The following PDE6A variants were observed in gnomAD, a reference collection of about 807,000 sequenced individuals.
The protein encoded by PDE6A is rod cGMP-specific 3',5'-cyclic phosphodiesterase subunit alpha.
PDE6A carries 84 observed loss-of-function variants against 106.3 expected under a neutral mutation model. The observed-to-expected ratio is 0.79, with a 90% CI of 0.66 to 0.95. PDE6A has a LOEUF of 0.95. PDE6A is among the 40% of genes least tolerant of loss of function. The pLI is 0.00. For missense variants in PDE6A, 1,052 were observed against 1,084.9 expected, an observed-to-expected ratio of 0.97 and a Z score of 0.43; for synonymous variants, 394 against 386.6, an observed-to-expected ratio of 1.02 and a Z score of -0.23.
At position 149,932,414 on chromosome 5, in the gene PDE6A, G is replaced by C; in HGVS notation, c.718-1246C>G. On this transcript the variant is annotated intron_variant, in intron 3 of 21. Transcript: ENST00000255266. The stretch of plus-strand genomic sequence containing the variant: ...CACGAGGTGCTGTTTTTAGTGCGAG[G>C]AGTTTAAAGGGAGTTGACTGAATAA... The C allele has an allele frequency of 2.2e-6, 3 of 1,367,048 alleles. No individual in the cohort carries two copies. In the South Asian group the frequency reaches 3.6e-5, roughly 16 times the overall value. The allele number at this position is 1,367,048 out of a possible 1,614,324, so 84.7% of individuals were successfully genotyped here.
intron 20 of PDE6A, 117 bp downstream of exon 20, chr5:149,866,053 C>T (rs1176364706): frequency 1.1e-5 from 8 of 745,112 alleles, no homozygotes; most frequent in African/African-American, 3.4e-5. Context: ...AGATGAGAAG[C>T]GCTTTGTAAA....
intron 17 of PDE6A, among the ~76,000 whole-genome samples, chr5:149,868,424 G>A (rs969500790): frequency 5.9e-5 from 9 of 152,144 alleles, no homozygotes; most frequent in Admixed American, 5.2e-4. Flanking sequence ...AATGATAATC[G>A]TACCTTACTC....
At chr5:149,888,526 AAAT>A (rs897662929) in intron 13 of PDE6A, among the ~76,000 whole-genome samples, 63 of 148,796 alleles carry the variant, frequency 4.2e-4, no homozygotes, top group African/African-American at 1.5e-3. Context: ...ATTATTAATA[AAAT>A]AATAAGGGAA....
At position 149,899,426 on chromosome 5, in the gene PDE6A, G is replaced by T. The variant is rs1752883714; in HGVS notation, c.1212C>A (p.Tyr404Ter). The change falls in exon 9 of 22, where the codon TAC (tyrosine) becomes TAA (stop). Residue 404 changes from tyrosine (Y) to a stop codon, truncating the protein, a stop_gained. Coordinates refer to ENST00000255266, the MANE Select transcript of PDE6A (RefSeq NM_000440.3). LOFTEE classifies it high-confidence loss of function. ...KEEIVGVATFYNRKDGKPFDE... is the reference protein window; with the variant it reads ...KEEIVGVATF ...CAAAGGGCTTCCCATCTTTACGATT[G>T]TAAAATGTGGCCACTCCAACAATTT... 1 of 1,614,008 alleles carries T rather than the reference G, an allele frequency of 6.2e-7. No homozygotes were observed. Among genetic ancestry groups the T allele is most frequent in the African/African-American group, 1.3e-5 (1 of 74,910 alleles).
At chr5:149,873,446 C>A (rs546436357) in intron 17 of PDE6A, among the ~76,000 whole-genome samples, 1 of 152,110 alleles carries the variant, frequency 6.6e-6, no homozygotes, top group East Asian at 1.9e-4. Context: ...ATTCTCCTGC[C>A]TCAGCCTCCT....
intron 6 of PDE6A, among the ~76,000 whole-genome samples, chr5:149,910,857 A>T (rs1342462858): frequency 6.8e-6 from 1 of 146,146 alleles, no homozygotes; most frequent in Admixed American, 6.8e-5. Flanking sequence ...TTTTCCAAAC[A>T]AGCCAGTTTC....
intron 17 of PDE6A, among the ~76,000 whole-genome samples, chr5:149,871,568 G>T (rs1295833093): frequency 6.6e-6 from 1 of 152,048 alleles, no homozygotes; most frequent in Non-Finnish European, 1.5e-5. Flanking sequence ...CCTGGTAGAA[G>T]GAAGCCCTGC....
Position 149,884,790 on chromosome 5 carries a change from A to G in PDE6A, c.1916T>C (p.Leu639Pro). ...RHHLEFGKTL[L>P]RDESLNIFQN... ...TGGCCCTCATCCTACCTCGTCTCTG[A>G]GCAGTGTTTTGCCAAACTCCAAGTG... The change falls in exon 15 of 22, where the codon CTC becomes CCC. Residue 639 changes from leucine (L) to proline (P), a missense_variant. Physicochemically the swap from Leu to Pro is moderately conservative, Grantham distance 98 (BLOSUM62 -3). This residue lies in a region of PDE6A where 913 missense variants were observed against 915.2 expected (regional missense o/e 1.00). Transcript: ENST00000255266. 6.2e-7 allele frequency: 1 copy of G among 1,614,028 alleles called. No homozygotes were observed. The highest frequency in any genetic ancestry group is 8.5e-7 in the Non-Finnish European group (1 of 1,179,916).
intron 21 of PDE6A, among the ~76,000 whole-genome samples, chr5:149,862,689 TAG>T (rs1760187010): frequency 6.6e-6 from 1 of 151,928 alleles, no homozygotes; most frequent in Admixed American, 6.6e-5. Context: ...ACCTGGGAGG[TAG>T]AGGTTGCAGT....
At chr5:149,925,585 T>C (rs975614877) in intron 4 of PDE6A, among the ~76,000 whole-genome samples, 1 of 151,424 alleles carries the variant, frequency 6.6e-6, no homozygotes, top group East Asian at 2.0e-4. Flanking sequence ...CCTGCACTCA[T>C]AGTCCCAGCT....
At position 149,860,584 on chromosome 5, in the gene PDE6A, G is replaced by A. The variant is rs1020877773; in HGVS notation, c.*311C>T. ...CCGTGGGCCACATGCAGCCCAGGAC[G>A]GCTTTGAATGCGGCCCAACACAAAT... On this transcript the variant is annotated 3_prime_UTR_variant, in exon 22 of 22. Coordinates refer to ENST00000255266, the MANE Select transcript of PDE6A (RefSeq NM_000440.3). The A allele has an allele frequency of 1.1e-5, 3 of 281,196 alleles. No individual in the cohort carries two copies. Among genetic ancestry groups the A allele is most frequent in the East Asian group, 7.1e-5 (1 of 14,020 alleles). 17.4% of individuals were successfully genotyped at this position (281,196 alleles called of 1,614,324 possible).
chr5:149,870,772 A>C (rs1413074277), intron 17 of PDE6A, among the ~76,000 whole-genome samples: 1 of 82,454 alleles, frequency 1.2e-5, no homozygotes, highest in Non-Finnish European at 2.6e-5. Flanking sequence ...AACACAGGGC[A>C]AAAAAAAAAA....
At chr5:149,890,468 T>C (rs1429272007) in intron 13 of PDE6A, among the ~76,000 whole-genome samples, 1 of 152,218 alleles carries the variant, frequency 6.6e-6, no homozygotes, top group Non-Finnish European at 1.5e-5. Context: ...TAAAGATGTG[T>C]TATTAATATG....
intron 5 of PDE6A, among the ~76,000 whole-genome samples, chr5:149,918,623 T>C (rs1327274232): frequency 6.6e-6 from 1 of 152,130 alleles, no homozygotes; most frequent in Non-Finnish European, 1.5e-5. Context: ...ATTAATTTAC[T>C]TTTTTTGAGC....
intron 1 of PDE6A, among the ~76,000 whole-genome samples, chr5:149,937,889 C>T (rs1488282073): frequency 6.6e-6 from 1 of 152,222 alleles, no homozygotes; most frequent in Non-Finnish European, 1.5e-5. Context: ...TGCCACCTTT[C>T]CCATTTTATA....
In PDE6A at chr5:149,896,745, C is replaced by A. The variant is rs962591995; in HGVS notation, c.1439G>T (p.Trp480Leu). Residue 480 changes from tryptophan to leucine, a missense_variant, in exon 11 of 22, where the codon TGG becomes TTG. By Grantham distance (61) the Trp-to-Leu change is moderately conservative. This residue lies in a region of PDE6A where 913 missense variants were observed against 915.2 expected (regional missense o/e 1.00). Transcript: ENST00000255266. Reference protein sequence around the residue: ...KTREVYGKEPWECEEEELAEI... With the variant: ...KTREVYGKEPLECEEEELAEI... ...AGCCAGCTCCTCTTCCTCACACTCC[C>A]ATGGCTCCTTCCCATACACCTCTCT... The A allele has an allele frequency of 2.5e-6, 4 of 1,614,212 alleles. No individual in the cohort carries two copies. The highest frequency in any genetic ancestry group is 3.4e-6 in the Non-Finnish European group (4 of 1,180,040).
chr5:149,911,012 T>G lies in PDE6A; in HGVS notation c.999-3634A>C, dbSNP rs544660070. On this transcript the variant is annotated intron_variant, in intron 6 of 21. Transcript: ENST00000255266. The stretch of plus-strand genomic sequence containing the variant: ...CTCCTGCCTCAGCCTCCTGAGCAGC[T>G]GGGACCACAGGTGTGCACCACCATG... Among the ~76,000 whole-genome samples, 311 of 150,856 alleles carry G rather than the reference T, an allele frequency of 2.1e-3. 1 individual carries two copies. Among genetic ancestry groups the G allele is most frequent in the African/African-American group, 7.3e-3 (301 of 41,052 alleles).
chr5:149,873,339 T>C (rs1280719829), intron 17 of PDE6A, among the ~76,000 whole-genome samples: 3 of 151,634 alleles, frequency 2.0e-5, no homozygotes, highest in Non-Finnish European at 4.4e-5. Context: ...ACTCTTTTTT[T>C]TTTTTTTTTT....
intron 17 of PDE6A, among the ~76,000 whole-genome samples, chr5:149,877,189 C>T (rs1438394666): frequency 6.6e-6 from 1 of 152,088 alleles, no homozygotes; most frequent in Non-Finnish European, 1.5e-5. Context: ...ACCTGCTGCC[C>T]CCCTATAAAA....
Sources: gnomAD v4.1 joint callset for allele counts (sites outside exome capture counted in the v4.1 genomes callset) on GRCh38, gnomAD v4.1.1 for gene constraint, gnomAD v4.1.1 regional missense constraint, MANE v1.5 for transcripts, NCBI Gene and HGNC (gene_info 2026-07-23, HGNC 2026-07-21) for gene names.